Variants in IKZF3 observed in about 807,000 individuals in gnomAD.
IKZF3 encodes IKAROS family zinc finger 3.
Under a neutral mutation model 49.0 loss-of-function variants are expected in IKZF3, and 10 were observed. The observed-to-expected ratio is 0.20, with a 90% CI of 0.13 to 0.35. IKZF3 has a LOEUF of 0.35. Ranked by LOEUF, IKZF3 falls within the 10% of genes least tolerant of loss-of-function variation. The pLI, the probability that IKZF3 is intolerant of heterozygous loss-of-function variation, is 1.00. For synonymous variants in IKZF3, 209 were observed against 228.2 expected, an observed-to-expected ratio of 0.92 and a Z score of 0.76; for missense variants, 498 against 664.8, an observed-to-expected ratio of 0.75 and a Z score of 2.76.
At chr17:39,837,677 T>G in intron 1 of IKZF3, among the ~76,000 whole-genome samples, 1 of 151,978 alleles carries the variant, frequency 6.6e-6, no homozygotes, top group East Asian at 1.9e-4. Flanking sequence ...CTCACTGTGT[T>G]GCCCAGGCTG....
In IKZF3 at chr17:39,792,912, T is replaced by A. The variant is rs562641303; in HGVS notation, c.185A>T (p.Asp62Val). ...ATTCTCATCTCTTTCACTGTATTCA[T>A]CTTTCACTTTCATTGAATCATCTGC... ...DIGDDSMKVK[D>V]EYSERDENVL... The change falls in exon 4 of 8, where the codon GAT (aspartate) becomes GTT (valine). Residue 62 changes from aspartate to valine, a missense_variant. Physicochemically the swap from Asp to Val is radical, Grantham distance 152. This residue lies in a region of IKZF3 where 97 missense variants were observed against 98.9 expected (regional missense o/e 0.98). Coordinates refer to ENST00000346872, the MANE Select transcript of IKZF3 (RefSeq NM_012481.5). 30 of 1,613,666 alleles carry A rather than the reference T, an allele frequency of 1.9e-5. No homozygotes were observed. In the East Asian group the frequency reaches 6.2e-4, roughly 34 times the overall value.
rs1220074725 is a variant in IKZF3 at position 39,761,692 on chromosome 17, GTTTT to G, written c.*4094_*4097del. The G allele has an allele frequency of 6.6e-6, 1 of 152,202 alleles. No individual in the cohort carries two copies. Among genetic ancestry groups the G allele is most frequent in the African/African-American group, 2.4e-5 (1 of 41,408 alleles). The allele number at this position is 152,202 out of a possible 1,614,324, so 9.4% of individuals were successfully genotyped here. A position where few individuals can be genotyped will look rare whatever the true frequency, so the allele number is the denominator to read the frequency against. Reference sequence around the variant, plus strand: ...TTGGCTGCAAGGAAACTTTGCCTGGGTTTTTTTGTTTGTTTGTTTGTTTTTGTTT... The same window carrying G: ...TTGGCTGCAAGGAAACTTTGCCTGGGTTTGTTTGTTTGTTTGTTTTTGTTT... On this transcript the variant is annotated 3_prime_UTR_variant, in exon 8 of 8. Transcript: ENST00000346872.
chr17:39,852,402 G>A (rs1044913344), intron 1 of IKZF3, among the ~76,000 whole-genome samples: 3 of 152,084 alleles, frequency 2.0e-5, no homozygotes, highest in Admixed American at 2.0e-4. Flanking sequence ...CAAGTGTTAT[G>A]TTGCCAAAAC....
At chr17:39,845,781 G>A (rs954686921) in intron 1 of IKZF3, among the ~76,000 whole-genome samples, 4 of 152,090 alleles carry the variant, frequency 2.6e-5, no homozygotes, top group African/African-American at 9.7e-5. Flanking sequence ...GAAAGTTGCG[G>A]TTTTCACTGA....
At chr17:39,789,090 T>C (rs912290517) in intron 5 of IKZF3, among the ~76,000 whole-genome samples, 1 of 152,110 alleles carries the variant, frequency 6.6e-6, no homozygotes, top group Non-Finnish European at 1.5e-5. Flanking sequence ...GTGAGAGGCT[T>C]ACAGGTGTGA....
rs756582411 is a variant in IKZF3 at position 39,792,821 on chromosome 17, T to C, written c.276A>G (p.Glu92=). The C allele has an allele frequency of 1.2e-6, 2 of 1,614,190 alleles. No homozygotes were observed. Among genetic ancestry groups the C allele is most frequent in the Admixed American group, 1.7e-5 (1 of 60,030 alleles). ...EPEIPYSYSR[E]YNEYENIKLE... is the part of the protein sequence containing the mutation. The stretch of plus-strand genomic sequence containing the variant: ...ACTTAATGTTTTCATATTCATTATA[T>C]TCTCTTGAATAGCTGTAAGGGATTT... Residue 92 remains glutamate, a synonymous_variant, in exon 4 of 8, where the codon GAA becomes GAG. Transcript: ENST00000346872.
Position 39,759,300 on chromosome 17 carries a change from C to T in IKZF3, c.*6490G>A, listed in dbSNP as rs965718710. ...GTGTGGTGACCCACGCCTGTAGTCTCAGCTAGTTGGGAGGCTAAGACGGGA... is the reference window on the plus strand; with the variant it reads ...GTGTGGTGACCCACGCCTGTAGTCTTAGCTAGTTGGGAGGCTAAGACGGGA... On this transcript the variant is annotated 3_prime_UTR_variant, in exon 8 of 8. Coordinates refer to ENST00000346872, the MANE Select transcript of IKZF3 (RefSeq NM_012481.5). 3.3e-5 allele frequency: 5 copies of T among 152,030 alleles called. No individual in the cohort carries two copies. The highest frequency in any genetic ancestry group is 4.8e-5 in the African/African-American group (2 of 41,372). The allele number at this position is 152,030 out of a possible 1,614,324, so 9.4% of individuals were successfully genotyped here.
intron 3 of IKZF3, among the ~76,000 whole-genome samples, chr17:39,826,556 G>C (rs1216173702): frequency 6.6e-6 from 1 of 152,186 alleles, no homozygotes; most frequent in Non-Finnish European, 1.5e-5. Context: ...AGGCAAGAGT[G>C]CAATGGAAAC....
intron 7 of IKZF3, among the ~76,000 whole-genome samples, chr17:39,771,205 C>A (rs1353996228): frequency 6.6e-6 from 1 of 152,212 alleles, no homozygotes; most frequent in East Asian, 1.9e-4. Context: ...AGGTTTTCTG[C>A]TGTGATGGTT....
chr17:39,784,461 C>T (rs1051089472), intron 6 of IKZF3, among the ~76,000 whole-genome samples: 2 of 151,022 alleles, frequency 1.3e-5, no homozygotes, highest in African/African-American at 2.4e-5. Context: ...TAGAGTACAG[C>T]GGCATGATCT....
chr17:39,778,334 T>TA (rs2060643011), intron 6 of IKZF3: 1 of 201,288 alleles, frequency 5.0e-6, no homozygotes, highest in Non-Finnish European at 8.8e-6. Context: ...CACGCTCCTC[T>TA]CAGTTCCTAT....
At chr17:39,768,083 T>C (rs2060338932) in intron 7 of IKZF3, among the ~76,000 whole-genome samples, 1 of 152,104 alleles carries the variant, frequency 6.6e-6, no homozygotes, top group Admixed American at 6.6e-5. Context: ...ACTGCTTTGC[T>C]CTATGGAGGT....
chr17:39,856,711 C>A (rs2063070636), intron 1 of IKZF3, among the ~76,000 whole-genome samples: 2 of 151,840 alleles, frequency 1.3e-5, no homozygotes, highest in Non-Finnish European at 1.5e-5. Context: ...GAGGCTGAGG[C>A]AGGAGAATTG....
intron 3 of IKZF3, among the ~76,000 whole-genome samples, chr17:39,796,139 A>C (rs2061156930): frequency 6.6e-6 from 1 of 152,172 alleles, no homozygotes; most frequent in Admixed American, 6.5e-5. Context: ...AACACAGTCC[A>C]CCAAAACCAG....
At chr17:39,790,948 T>C (rs779329733) in intron 5 of IKZF3, among the ~76,000 whole-genome samples, 3 of 152,040 alleles carry the variant, frequency 2.0e-5, no homozygotes, top group Non-Finnish European at 4.4e-5. Flanking sequence ...TTAATAAATT[T>C]ATCCCAAATG....
intron 4 of IKZF3, among the ~76,000 whole-genome samples, chr17:39,792,201 C>T (rs954145849): frequency 1.3e-5 from 2 of 151,982 alleles, no homozygotes; most frequent in Non-Finnish European, 2.9e-5. Flanking sequence ...GGCTCAAGTG[C>T]GATGGTTGTG....
At position 39,766,500 on chromosome 17, in the gene IKZF3, C is replaced by A; in HGVS notation, c.827-7G>T. 6.9e-6 allele frequency: 11 copies of A among 1,598,818 alleles called. No homozygotes were observed. The highest frequency in any genetic ancestry group is 9.4e-6 in the Non-Finnish European group (11 of 1,172,868). Reference sequence around the variant, plus strand: ...AAGCAGTGGCGCTTCTCACCTGGAACAAGTGACAGAAAGGGTTACAAAGGG... The same window carrying A: ...AAGCAGTGGCGCTTCTCACCTGGAAAAAGTGACAGAAAGGGTTACAAAGGG... On this transcript the variant is annotated splice_polypyrimidine_tract_variant and splice_region_variant and intron_variant, in intron 7 of 7. Transcript: ENST00000346872.
At chr17:39,798,286 G>C (rs1180503112) in intron 3 of IKZF3, among the ~76,000 whole-genome samples, 1 of 152,064 alleles carries the variant, frequency 6.6e-6, no homozygotes, top group Non-Finnish European at 1.5e-5. Flanking sequence ...TCATAGCCCT[G>C]TCAAAATTCT....
At chr17:39,856,549 T>C (rs1199945278) in intron 1 of IKZF3, among the ~76,000 whole-genome samples, 2 of 152,172 alleles carry the variant, frequency 1.3e-5, no homozygotes, top group Non-Finnish European at 2.9e-5. Context: ...CTCATGCCTG[T>C]AATCCCAACA....
Sources: allele counts gnomAD v4.1 joint callset (sites outside exome capture counted in the v4.1 genomes callset), GRCh38; gene constraint gnomAD v4.1.1; regional missense constraint gnomAD v4.1.1; transcripts MANE v1.5; gene names NCBI Gene and HGNC (gene_info 2026-07-23, HGNC 2026-07-21).